Variants in ASH1L observed in about 807,000 individuals in gnomAD.
ASH1L encodes ASH1 like histone lysine methyltransferase.
ASH1L carries 23 observed loss-of-function variants against 269.0 expected under a neutral mutation model. The ratio of observed to expected loss-of-function variants is 0.09; its 90% CI spans 0.06 to 0.12. The LOEUF (loss-of-function observed/expected upper bound fraction) is 0.12, where lower values mean the gene tolerates loss of function less well. Ranked by LOEUF, ASH1L falls within the 10% of genes least tolerant of loss-of-function variation. The probability of loss-of-function intolerance (pLI) is 1.00; values close to 1 mark genes in which losing one functional copy is unlikely to be tolerated. For missense variants in ASH1L, 2,912 were observed against 3,567.8 expected, an observed-to-expected ratio of 0.82 and a Z score of 4.68; for synonymous variants, 1,187 against 1,253.5, an observed-to-expected ratio of 0.95 and a Z score of 1.12.
intron 25 of ASH1L, among the ~76,000 whole-genome samples, chr1:155,340,180 G>A (rs1652658371): frequency 6.6e-6 from 1 of 151,922 alleles, no homozygotes; most frequent in South Asian, 2.1e-4. Context: ...TTTCTGGTTA[G>A]CTTATTTTTC....
Position 155,480,018 on chromosome 1 carries a change from CTGTCATCTA to C in ASH1L, c.2843_2851del (p.Leu948_Ser951delinsArg). 2.5e-6 allele frequency: 4 copies of C among 1,614,044 alleles called. No homozygotes were observed. The highest frequency in any genetic ancestry group is 2.5e-6 in the Non-Finnish European group (3 of 1,180,008). On this transcript the variant is annotated inframe_deletion, in exon 3 of 28. Coordinates refer to ENST00000392403, the MANE Select transcript of ASH1L (RefSeq NM_018489.3). Reference sequence around the variant, plus strand: ...CATACTACAGACACTTGGCCTATGACTGTCATCTAGGTCATCTGGATCCTGAAGTTGATC... The same window carrying C: ...CATACTACAGACACTTGGCCTATGACGGTCATCTGGATCCTGAAGTTGATC...
chr1:155,560,660 G>A (rs1671899070), intron 1 of ASH1L, among the ~76,000 whole-genome samples: 1 of 152,238 alleles, frequency 6.6e-6, no homozygotes, highest in Middle Eastern at 3.4e-3. Context: ...TTATTGAACA[G>A]GCAGTCAACA....
intron 1 of ASH1L, among the ~76,000 whole-genome samples, chr1:155,556,872 C>T (rs1422226877): frequency 2.6e-5 from 4 of 152,016 alleles, no homozygotes; most frequent in Non-Finnish European, 5.9e-5. Flanking sequence ...GAGACTCCAT[C>T]GCTACAAAAA....
At chr1:155,530,308 T>C (rs536994840) in intron 1 of ASH1L, among the ~76,000 whole-genome samples, 3 of 152,330 alleles carry the variant, frequency 2.0e-5, no homozygotes, top group South Asian at 2.1e-4. Flanking sequence ...AATAGACTTA[T>C]CAGTTTGGTT....
At chr1:155,433,209 C>A in intron 5 of ASH1L, 1 of 1,545,954 alleles carries the variant, frequency 6.5e-7, no homozygotes, top group Non-Finnish European at 8.7e-7. Context: ...CGGATGCCTG[C>A]CTTCTTGCCC....
At chr1:155,428,205 A>T (rs1043503184) in intron 5 of ASH1L, among the ~76,000 whole-genome samples, 2 of 152,112 alleles carry the variant, frequency 1.3e-5, no homozygotes, top group Non-Finnish European at 2.9e-5. Context: ...TTGGGAGGCC[A>T]AGGCAGGTGG....
At chr1:155,555,385 T>C (rs1030103770) in intron 1 of ASH1L, among the ~76,000 whole-genome samples, 1 of 149,714 alleles carries the variant, frequency 6.7e-6, no homozygotes, top group Non-Finnish European at 1.5e-5. Flanking sequence ...TAGTCCAAGC[T>C]ACTCAGGAGG....
intron 4 of ASH1L, among the ~76,000 whole-genome samples, chr1:155,441,454 CTTTTTTT>C (rs34682576): frequency 3.0e-4 from 22 of 73,622 alleles, no homozygotes; most frequent in African/African-American, 5.8e-4. Context: ...ATAAAGAATC[CTTTTTTT>C]TTTTTTTTTT....
intron 5 of ASH1L, among the ~76,000 whole-genome samples, chr1:155,417,030 CAA>C (rs1660273307): frequency 6.7e-6 from 1 of 149,926 alleles, no homozygotes; most frequent in African/African-American, 2.5e-5. Flanking sequence ...CTCCTGGGTT[CAA>C]GAGATTCTCC....
At position 155,422,339 on chromosome 1, in the gene ASH1L, G is replaced by A. The variant is rs539833744; in HGVS notation, c.5829-6416C>T. On this transcript the variant is annotated intron_variant, in intron 5 of 27. Transcript: ENST00000392403. ...TTTTTTTTTTTTGAGATGGCATCTT[G>A]CTCTTGTAGCCCAGGCTGGAGTGCA... Among the ~76,000 whole-genome samples the A allele has an allele frequency of 2.5e-3, 315 of 127,132 alleles. 2 individuals are homozygous for A. The highest frequency in any genetic ancestry group is 2.4e-3 in the Non-Finnish European group (151 of 62,826). 83.4% of individuals were successfully genotyped at this position (127,132 alleles called of 152,430 possible). A position where few individuals can be genotyped will look rare whatever the true frequency, so the allele number is the denominator to read the frequency against.
chr1:155,452,755 C>G (rs1663581612), intron 4 of ASH1L, among the ~76,000 whole-genome samples: 1 of 151,880 alleles, frequency 6.6e-6, no homozygotes, highest in South Asian at 2.1e-4. Context: ...TGGGGTTTTG[C>G]CATGTTGGCC....
At chr1:155,399,900 A>G (rs988242866) in intron 6 of ASH1L, among the ~76,000 whole-genome samples, 1 of 152,144 alleles carries the variant, frequency 6.6e-6, no homozygotes, top group Admixed American at 6.6e-5. Context: ...AAATGATCAG[A>G]TGTGGCTAAA....
chr1:155,454,060 G>A (rs998630006), intron 4 of ASH1L, among the ~76,000 whole-genome samples: 13 of 152,108 alleles, frequency 8.5e-5, no homozygotes, highest in African/African-American at 2.9e-4. Flanking sequence ...AGCCGAGATC[G>A]CACCACTGCA....
rs773095341 is a variant in ASH1L, at chr1:155,481,389, A to G, written c.1481T>C (p.Met494Thr). Residue 494 changes from methionine to threonine, a missense_variant, in exon 3 of 28, where the codon ATG (methionine) becomes ACG (threonine). Physicochemically the swap from Met to Thr is moderately conservative, Grantham distance 81. Around this residue, in one of 13 missense-constraint regions of ASH1L, gnomAD observed 715 missense variants for 721.0 expected, o/e 0.99. Transcript: ENST00000392403. ...CTGAATGCATGTTCCTTCATTAAAC[A>G]TTTCTTTCTCCAAATTAATGATTTC... ...RKEIINLEKE[M>T]FNEGTCIQQD... The G allele has an allele frequency of 1.2e-6, 2 of 1,614,040 alleles. No homozygotes were observed. Among genetic ancestry groups the G allele is most frequent in the South Asian group, 2.2e-5 (2 of 91,080 alleles).
At chr1:155,431,694 T>C (rs113661194) in intron 5 of ASH1L, among the ~76,000 whole-genome samples, 7,927 of 151,756 alleles carry the variant, frequency 0.052, 693 homozygotes, top group African/African-American at 0.18. Flanking sequence ...GCCCGGGAGG[T>C]GGAGGTTGCA....
intron 2 of ASH1L, among the ~76,000 whole-genome samples, chr1:155,498,524 C>A (rs567333371): frequency 6.6e-6 from 1 of 152,042 alleles, no homozygotes; most frequent in East Asian, 1.9e-4. Context: ...TCACCGCAAC[C>A]TCTGCCTCCC....
intron 13 of ASH1L, chr1:155,358,631 C>T (rs1654641557): frequency 2.0e-5 from 3 of 150,074 alleles, no homozygotes; most frequent in South Asian, 2.1e-4. Context: ...GAGCTTGCAG[C>T]AAGCCGAGAT....
chr1:155,350,517 G>C (rs1653803828), intron 17 of ASH1L, among the ~76,000 whole-genome samples: 1 of 151,980 alleles, frequency 6.6e-6, no homozygotes, highest in African/African-American at 2.4e-5. Flanking sequence ...ACTTATTGAG[G>C]GTAATCTGCT....
chr1:155,552,562 C>G (rs936644964), intron 1 of ASH1L, among the ~76,000 whole-genome samples: 1 of 152,060 alleles, frequency 6.6e-6, no homozygotes, highest in Admixed American at 6.6e-5. Context: ...AGGAGAACGG[C>G]GTGAACCCGG....
Sources: allele counts gnomAD v4.1 joint callset (sites outside exome capture counted in the v4.1 genomes callset), GRCh38; gene constraint gnomAD v4.1.1; regional missense constraint gnomAD v4.1.1; transcripts MANE v1.5; gene names NCBI Gene and HGNC (gene_info 2026-07-23, HGNC 2026-07-21).